The following CDH4 variants were observed in gnomAD, a reference collection of about 807,000 sequenced individuals.
CDH4 encodes cadherin-4.
Under a neutral mutation model 86.0 loss-of-function variants are expected in CDH4, and 33 were observed. That is an observed-to-expected ratio of 0.38 (90% CI 0.29 to 0.51). The LOEUF (loss-of-function observed/expected upper bound fraction) is 0.51. Among genes scored for constraint, CDH4 ranks in the 20% least tolerant of loss-of-function variants. The pLI is 0.86. For synonymous variants in CDH4, 555 were observed against 549.4 expected (o/e 1.01, Z -0.14); for missense variants, 1,114 against 1,307.4 (o/e 0.85, Z 2.28).
chr20:61,731,339 C>T (rs2088183415), intron 2 of CDH4, among the ~76,000 whole-genome samples: 1 of 152,174 alleles, frequency 6.6e-6, no homozygotes, highest in African/African-American at 2.4e-5. Flanking sequence ...CCGCAGCACC[C>T]TTCCTGACCG....
chr20:61,589,579 G>C (rs1373306311), intron 2 of CDH4, among the ~76,000 whole-genome samples: 5 of 152,118 alleles, frequency 3.3e-5, no homozygotes, highest in African/African-American at 1.2e-4. Context: ...CAAAGCTCTT[G>C]CCTTCACTCT....
intron 2 of CDH4, among the ~76,000 whole-genome samples, chr20:61,474,720 A>C (rs1235521695): frequency 6.6e-6 from 1 of 152,034 alleles, no homozygotes; most frequent in East Asian, 1.9e-4. Context: ...TTAAAAAAAA[A>C]ATTCTTTTTT....
intron 4 of CDH4, among the ~76,000 whole-genome samples, chr20:61,792,210 G>A (rs1435844251): frequency 6.6e-6 from 1 of 152,134 alleles, no homozygotes; most frequent in African/African-American, 2.4e-5. Context: ...CTTAGGGAGA[G>A]GCAGGTGGAG....
rs2055021632 is a variant in CDH4 at position 61,924,377 on chromosome 20, G to A, written c.1672G>A (p.Ala558Thr). 6.2e-7 allele frequency: 1 copy of A among 1,612,362 alleles called. No individual in the cohort carries two copies. Among genetic ancestry groups the A allele is most frequent in the African/African-American group, 1.3e-5 (1 of 74,758 alleles). Residue 558 changes from alanine (A) to threonine (T), a missense_variant, in exon 11 of 16, where the codon GCC becomes ACC. Around this residue, in one of 3 missense-constraint regions of CDH4, gnomAD observed 705 missense variants for 914.1 expected, o/e 0.77. Transcript: ENST00000614565. The stretch of plus-strand genomic sequence containing the variant: ...CCCAGCGAGCTGGCTGCACATCAAT[G>A]CCACCAACGGCCAGATCACCACGGC... ...SDPASWLHIN[A>T]TNGQITTAAV...
chr20:61,361,305 T>TG (rs1203293128), intron 2 of CDH4, among the ~76,000 whole-genome samples: 1 of 151,494 alleles, frequency 6.6e-6, no homozygotes, highest in African/African-American at 2.4e-5. Context: ...TGGGTGGGAG[T>TG]GGGGGAGGAT....
chr20:61,595,505 T>G (rs528434490), intron 2 of CDH4, among the ~76,000 whole-genome samples: 3 of 152,342 alleles, frequency 2.0e-5, no homozygotes, highest in Non-Finnish European at 4.4e-5. Flanking sequence ...CTGCGTCGTG[T>G]GGGAACACCC....
rs1410398259 is a variant in CDH4 at position 61,752,438 on chromosome 20, T to C, written c.396+8649T>C. ...GACATTTGCAGCACTCGTATACTCT[T>C]GATGGGAGTGTACAATGGTACAAAC... On this transcript the variant is annotated intron_variant, in intron 3 of 15. Coordinates refer to ENST00000614565, the MANE Select transcript of CDH4 (RefSeq NM_001794.5). Among the ~76,000 whole-genome samples the C allele has an allele frequency of 2.0e-5, 3 of 150,970 alleles. No individual in the cohort carries two copies. In the East Asian group the frequency reaches 5.8e-4, roughly 29 times the overall value.
At chr20:61,444,268 T>TTTCTCC (rs2085330899) in intron 2 of CDH4, among the ~76,000 whole-genome samples, 2 of 151,098 alleles carry the variant, frequency 1.3e-5, no homozygotes, top group Non-Finnish European at 1.5e-5. Context: ...TCTATGTGTG[T>TTTCTCC]GTGTGTATGT....
intron 15 of CDH4, among the ~76,000 whole-genome samples, chr20:61,935,078 G>C (rs1312777166): frequency 6.6e-6 from 1 of 152,240 alleles, no homozygotes; most frequent in Non-Finnish European, 1.5e-5. Flanking sequence ...GTGACTCTGA[G>C]GCTCCAGACT....
At chr20:61,502,424 GTTGTTC>G (rs2085710178) in intron 2 of CDH4, among the ~76,000 whole-genome samples, 1 of 152,160 alleles carries the variant, frequency 6.6e-6, no homozygotes, top group South Asian at 2.1e-4. Flanking sequence ...TGAGGCAAAG[GTTGTTC>G]TCTTGGTGTA....
At chr20:61,554,529 G>A (rs1204729036) in intron 2 of CDH4, among the ~76,000 whole-genome samples, 1 of 152,206 alleles carries the variant, frequency 6.6e-6, no homozygotes, top group Non-Finnish European at 1.5e-5. Context: ...TTCCCCGTGG[G>A]GCTCAGCAGT....
intron 9 of CDH4, among the ~76,000 whole-genome samples, chr20:61,915,777 G>A (rs990149262): frequency 6.6e-6 from 1 of 152,212 alleles, no homozygotes; most frequent in African/African-American, 2.4e-5. Context: ...TGAGAGAAGC[G>A]TGGAGGAGAC....
At chr20:61,664,654 A>C (rs924460098) in intron 2 of CDH4, among the ~76,000 whole-genome samples, 1 of 152,182 alleles carries the variant, frequency 6.6e-6, no homozygotes, top group African/African-American at 2.4e-5. Context: ...TTGTGTTCAG[A>C]GATAGAGCCT....
intron 2 of CDH4, among the ~76,000 whole-genome samples, chr20:61,412,363 T>C (rs2085124257): frequency 6.6e-6 from 1 of 152,046 alleles, no homozygotes; most frequent in African/African-American, 2.4e-5. Context: ...CTGGCCACGG[T>C]GGGAATATTT....
chr20:61,785,649 T>G (rs1222013171), intron 4 of CDH4, among the ~76,000 whole-genome samples: 1 of 151,660 alleles, frequency 6.6e-6, no homozygotes, highest in Non-Finnish European at 1.5e-5. Flanking sequence ...CCCACCCAGG[T>G]GTGTAGAGCC....
rs116397972 is a variant in CDH4, at chr20:61,570,456, G to A, written c.170-173107G>A. 5.3e-3 allele frequency: 2,910 copies of A among 553,096 alleles called. 17 individuals carry two copies. The highest frequency in any genetic ancestry group is 0.015 in the African/African-American group (778 of 53,108). 34.3% of individuals were successfully genotyped at this position (553,096 alleles called of 1,614,324 possible). On this transcript the variant is annotated intron_variant, in intron 2 of 15. Coordinates refer to ENST00000614565, the MANE Select transcript of CDH4 (RefSeq NM_001794.5). ...CCTGGTGCTGCCTTGAGCTTGACCCGAATTGCTTCTTCCCAGAGGCTGGGT... is the reference window on the plus strand; with the variant it reads ...CCTGGTGCTGCCTTGAGCTTGACCCAAATTGCTTCTTCCCAGAGGCTGGGT...
At chr20:61,272,178 A>G (rs1184788857) in intron 2 of CDH4, among the ~76,000 whole-genome samples, 2 of 152,214 alleles carry the variant, frequency 1.3e-5, no homozygotes, top group Admixed American at 6.5e-5. Context: ...ATTGTCAGAG[A>G]CATGCCCCAT....
At chr20:61,336,130 C>T (rs891273123) in intron 2 of CDH4, among the ~76,000 whole-genome samples, 8 of 152,144 alleles carry the variant, frequency 5.3e-5, no homozygotes, top group Non-Finnish European at 1.2e-4. Context: ...GGGAACTTTC[C>T]CCTTCTTAGA....
chr20:61,467,799 C>T (rs1390225819), intron 2 of CDH4, among the ~76,000 whole-genome samples: 1 of 152,156 alleles, frequency 6.6e-6, no homozygotes, highest in African/African-American at 2.4e-5. Context: ...CTGCTGACAC[C>T]AATTTCAAGT....
Sources: allele counts gnomAD v4.1 joint callset (sites outside exome capture counted in the v4.1 genomes callset), GRCh38; gene constraint gnomAD v4.1.1; regional missense constraint gnomAD v4.1.1; transcripts MANE v1.5; gene names NCBI Gene and HGNC (gene_info 2026-07-23, HGNC 2026-07-21).